Variants in PCDH17 observed in about 807,000 individuals in gnomAD.
PCDH17 encodes protocadherin-17.
A neutral mutation model predicts 67.7 loss-of-function variants in PCDH17; 21 were observed. That is an observed-to-expected ratio of 0.31 (90% CI 0.22 to 0.45). PCDH17 has a LOEUF of 0.45. PCDH17 is among the 20% of genes least tolerant of loss of function. The pLI is 1.00. For synonymous variants in PCDH17, 701 were observed against 656.7 expected, an observed-to-expected ratio of 1.07 and a Z score of -1.03; for missense variants, 1,471 against 1,564.8, an observed-to-expected ratio of 0.94 and a Z score of 1.01.
chr13:57,656,854 T>G (rs1361341808), intron 1 of PCDH17, among the ~76,000 whole-genome samples: 3 of 152,148 alleles, frequency 2.0e-5, no homozygotes, highest in Non-Finnish European at 4.4e-5. Flanking sequence ...TAGCAGTCTT[T>G]AAGTATGTTT....
chr13:57,662,567 C>G (rs1195268935), intron 1 of PCDH17, among the ~76,000 whole-genome samples: 2 of 151,060 alleles, frequency 1.3e-5, no homozygotes, highest in African/African-American at 4.8e-5. Flanking sequence ...TCAAAATAAC[C>G]TACTTCCACA....
chr13:57,633,646 C>T lies in PCDH17; in HGVS notation c.1100C>T (p.Pro367Leu). 6.8e-6 allele frequency: 11 copies of T among 1,608,390 alleles called. No homozygotes were observed. The highest frequency in any genetic ancestry group is 9.3e-6 in the Non-Finnish European group (11 of 1,179,990). ...RQGALSEAAPPGTVIALVRVT... is the reference protein window; with the variant it reads ...RQGALSEAAPLGTVIALVRVT... ...GGGGCGCTGAGCGAGGCCGCCCCTC[C>T]CGGCACCGTCATCGCCCTGGTGCGG... Residue 367 changes from proline (P) to leucine (L), a missense_variant, in exon 1 of 4, where the codon CCC becomes CTC. Physicochemically the swap from Pro to Leu is moderately conservative, Grantham distance 98. Transcript: ENST00000377918. This position sits in a 1 kb window ranked among gnomAD's most constrained non-coding sequence, Gnocchi z 6.2.
intron 3 of PCDH17, among the ~76,000 whole-genome samples, chr13:57,689,757 A>G (rs1438093021): frequency 2.0e-5 from 3 of 151,962 alleles, no homozygotes; most frequent in Non-Finnish European, 4.4e-5. Flanking sequence ...AAATTTCTTC[A>G]AAATCATTAG....
upstream of PCDH17, among the ~76,000 whole-genome samples, chr13:57,631,239 G>A (rs1954715306): frequency 6.6e-6 from 1 of 152,148 alleles, no homozygotes; most frequent in African/African-American, 2.4e-5. Context: ...TGGGAGGCAG[G>A]GCTATTGGAA....
In PCDH17 at chr13:57,634,000, A is replaced by G; in HGVS notation, c.1454A>G (p.Asn485Ser). ...TACGTGCTTCAGGTGCACGAGAACA[A>G]CATCCCGGGAGAGTACCTGGGCTCT... ...GLYVLQVHEN[N>S]IPGEYLGSVL... The change falls in exon 1 of 4, where the codon AAC (asparagine) becomes AGC (serine). Residue 485 changes from asparagine (N) to serine (S), a missense_variant. This residue lies in a region of PCDH17 where 1,163 missense variants were observed against 1,230.0 expected (regional missense o/e 0.95). Coordinates refer to ENST00000377918, the MANE Select transcript of PCDH17 (RefSeq NM_001040429.3). The surrounding 1 kb of genome is among the most constrained non-coding windows in gnomAD (Gnocchi z 6.2). The G allele has an allele frequency of 6.2e-7, 1 of 1,613,532 alleles. No individual in the cohort carries two copies. Among genetic ancestry groups the G allele is most frequent in the South Asian group, 1.1e-5 (1 of 91,080 alleles).
chr13:57,722,161 A>G (rs1955876976), intron 3 of PCDH17, among the ~76,000 whole-genome samples: 1 of 152,188 alleles, frequency 6.6e-6, no homozygotes, highest in African/African-American at 2.4e-5. Flanking sequence ...CAAGCAAACA[A>G]TCATTTTATG....
intron 3 of PCDH17, among the ~76,000 whole-genome samples, chr13:57,672,338 T>C (rs2138033138): frequency 6.6e-6 from 1 of 152,116 alleles, no homozygotes; most frequent in East Asian, 1.9e-4. Context: ...CTAGTTTAAA[T>C]GAGGGCAGTA....
rs747630311 is a variant in PCDH17, at chr13:57,634,271, C to A, written c.1725C>A (p.Asp575Glu). Reference sequence around the variant, plus strand: ...CCACGGTGAGGGTGACAGTGCTAGACGTGAATGACAACGCGCCAGTGATCG... The same window carrying A: ...CCACGGTGAGGGTGACAGTGCTAGAAGTGAATGACAACGCGCCAGTGATCG... The part of the protein sequence containing the change: ...SNATVRVTVL[D>E]VNDNAPVIVL... Residue 575 changes from aspartate (D) to glutamate (E), a missense_variant, in exon 1 of 4, where the codon GAC becomes GAA. Asp to Glu is a conservative substitution (Grantham distance 45). Coordinates refer to ENST00000377918, the MANE Select transcript of PCDH17 (RefSeq NM_001040429.3). The surrounding 1 kb of genome is among the most constrained non-coding windows in gnomAD (Gnocchi z 7.8). 1 of 1,613,206 alleles carries A rather than the reference C, an allele frequency of 6.2e-7. No individual in the cohort carries two copies. Among genetic ancestry groups the A allele is most frequent in the East Asian group, 2.2e-5 (1 of 44,834 alleles).
intron 1 of PCDH17, among the ~76,000 whole-genome samples, chr13:57,648,912 TTA>T (rs1414508098): frequency 3.3e-5 from 5 of 152,074 alleles, no homozygotes; most frequent in African/African-American, 1.2e-4. Context: ...TAGGATATTT[TTA>T]TGTCTCTACT....
chr13:57,682,731 GA>G (rs904941530), intron 3 of PCDH17, among the ~76,000 whole-genome samples: 10 of 151,498 alleles, frequency 6.6e-5, no homozygotes, highest in Non-Finnish European at 1.3e-4. Flanking sequence ...TAGTTTAAAA[GA>G]AAAAAAGATT....
chr13:57,633,088 T>C lies in PCDH17; in HGVS notation c.542T>C (p.Leu181Pro). The C allele has an allele frequency of 6.2e-7, 1 of 1,613,574 alleles. No individual in the cohort carries two copies. The highest frequency in any genetic ancestry group is 8.5e-7 in the Non-Finnish European group (1 of 1,179,982). ...LTRDDHGLFGLDVKSRGDGTK... is the reference protein window; with the variant it reads ...LTRDDHGLFGPDVKSRGDGTK... The stretch of plus-strand genomic sequence containing the variant: ...CGCGACGATCACGGCCTCTTTGGAC[T>C]GGACGTTAAGTCCCGCGGCGACGGC... Residue 181 changes from leucine (L) to proline (P), a missense_variant, in exon 1 of 4, where the codon CTG becomes CCG. Physicochemically the swap from Leu to Pro is moderately conservative, Grantham distance 98. Coordinates refer to ENST00000377918, the MANE Select transcript of PCDH17 (RefSeq NM_001040429.3). This position sits in a 1 kb window ranked among gnomAD's most constrained non-coding sequence, Gnocchi z 6.2.
At chr13:57,663,449 A>G (rs1199087401) in intron 1 of PCDH17, among the ~76,000 whole-genome samples, 10 of 152,154 alleles carry the variant, frequency 6.6e-5, no homozygotes, top group Non-Finnish European at 1.5e-4. Flanking sequence ...GAATACTCTT[A>G]TACTTCTAAT....
At position 57,680,282 on chromosome 13, in the gene PCDH17, C is replaced by T. The variant is rs375005260; in HGVS notation, c.2797+13449C>T. ...CTGTCTATCAGATGAAAATATAAAA[C>T]TTACAAAAACTGAGAGTAATTTAAA... is the stretch of plus-strand genomic sequence containing the variant. On this transcript the variant is annotated intron_variant, in intron 3 of 3. Coordinates refer to ENST00000377918, the MANE Select transcript of PCDH17 (RefSeq NM_001040429.3). Among the ~76,000 whole-genome samples, 3 of 151,486 alleles carry T rather than the reference C, an allele frequency of 2.0e-5. No homozygotes were observed. The East Asian group carries it at 5.9e-4, about 30-fold the overall frequency.
chr13:57,719,572 CAG>C (rs1302571288), intron 3 of PCDH17, among the ~76,000 whole-genome samples: 1 of 151,996 alleles, frequency 6.6e-6, no homozygotes, highest in Non-Finnish European at 1.5e-5. Context: ...GTCTGAAACT[CAG>C]GGGAGGAAAT....
chr13:57,720,321 AAGT>A (rs1955862204), intron 3 of PCDH17, among the ~76,000 whole-genome samples: 1 of 152,018 alleles, frequency 6.6e-6, no homozygotes, highest in African/African-American at 2.4e-5. Context: ...GAGACAGTTA[AAGT>A]GTTGATCTAA....
intron 1 of PCDH17, among the ~76,000 whole-genome samples, chr13:57,637,463 G>A (rs184874474): frequency 2.4e-4 from 36 of 151,132 alleles, no homozygotes; most frequent in African/African-American, 8.7e-4. Flanking sequence ...CTAGTGTGTC[G>A]CAAACACACT....
chr13:57,669,381 CT>C (rs1048129858), intron 3 of PCDH17, among the ~76,000 whole-genome samples: 3 of 151,940 alleles, frequency 2.0e-5, no homozygotes, highest in African/African-American at 4.8e-5. Flanking sequence ...CCCCTTCCCC[CT>C]CTTCATGTTC....
chr13:57,714,041 T>C (rs1955798957), intron 3 of PCDH17, among the ~76,000 whole-genome samples: 1 of 151,688 alleles, frequency 6.6e-6, no homozygotes, highest in Non-Finnish European at 1.5e-5. Context: ...AAATAGCTTC[T>C]GGAAACTAGA....
intron 1 of PCDH17, among the ~76,000 whole-genome samples, chr13:57,644,652 C>T (rs113851028): frequency 6.6e-6 from 1 of 151,414 alleles, no homozygotes; most frequent in East Asian, 1.9e-4. Context: ...TTTTCTGTTC[C>T]TCGTGCATTT....
Sources: gnomAD v4.1 joint callset for allele counts (sites outside exome capture counted in the v4.1 genomes callset) on GRCh38, gnomAD v4.1.1 for gene constraint, gnomAD v4.1.1 regional missense constraint, Gnocchi (gnomAD v3.1) non-coding constraint, MANE v1.5 for transcripts, NCBI Gene and HGNC (gene_info 2026-07-23, HGNC 2026-07-21) for gene names.